Variants in ZBTB1 observed in about 807,000 individuals in gnomAD.
ZBTB1 encodes the protein zinc finger and BTB domain containing 1.
A neutral mutation model predicts 51.6 loss-of-function variants in ZBTB1; 13 were observed. The ratio of observed to expected loss-of-function variants is 0.25; its 90% CI spans 0.16 to 0.40. The LOEUF (loss-of-function observed/expected upper bound fraction) is 0.40. Among genes scored for constraint, ZBTB1 ranks in the 10% least tolerant of loss-of-function variants. ZBTB1 has a pLI of 1.00. For synonymous variants in ZBTB1, 240 were observed against 282.2 expected (o/e 0.85, Z 1.50); for missense variants, 567 against 856.5 (o/e 0.66, Z 4.22).
At chr14:64,519,262 C>T (rs1439181154) in intron 1 of ZBTB1, among the ~76,000 whole-genome samples, 1 of 151,018 alleles carries the variant, frequency 6.6e-6, no homozygotes, top group African/African-American at 2.4e-5. Context: ...GATTCTCCCG[C>T]CTCAGCCTCC....
Position 64,523,665 on chromosome 14 carries a change from A to T in ZBTB1, c.*19A>T. The T allele has an allele frequency of 6.5e-7, 1 of 1,532,020 alleles. No homozygotes were observed. 94.9% of individuals were successfully genotyped at this position (1,532,020 alleles called of 1,614,324 possible). ...AACCTGAGTGATTTTCTACTGTACTAATGTTTAGATGATAGCAGATAAAAC... is the reference window on the plus strand; with the variant it reads ...AACCTGAGTGATTTTCTACTGTACTTATGTTTAGATGATAGCAGATAAAAC... On this transcript the variant is annotated 3_prime_UTR_variant, in exon 2 of 2. Coordinates refer to ENST00000683701, the MANE Select transcript of ZBTB1 (RefSeq NM_001123329.2). This position sits in a 1 kb window ranked among gnomAD's most constrained non-coding sequence, Gnocchi z 4.5.
At chr14:64,514,046 T>C (rs2079754465) in intron 1 of ZBTB1, 1 of 152,200 alleles carries the variant, frequency 6.6e-6, no homozygotes, top group African/African-American at 2.4e-5. Context: ...ACACCATCCT[T>C]CTCCACCCTC....
chr14:64,507,270 C>A (rs908205488), intron 1 of ZBTB1, among the ~76,000 whole-genome samples: 7 of 152,134 alleles, frequency 4.6e-5, no homozygotes, highest in African/African-American at 1.4e-4. Context: ...CTGACATTTT[C>A]TTCTGTGCTA....
exon 3 of ZBTB1, chr14:64,533,614 G>A (rs2079959965): frequency 6.6e-6 from 1 of 152,168 alleles, no homozygotes; most frequent in South Asian, 2.1e-4. Context: ...TGGAATTATT[G>A]GGTTAAAGTA....
chr14:64,521,514 C>G lies in ZBTB1; in HGVS notation c.10C>G (p.Pro4Ala). 1.9e-6 allele frequency: 3 copies of G among 1,602,716 alleles called. No individual in the cohort carries two copies. The highest frequency in any genetic ancestry group is 2.6e-6 in the Non-Finnish European group (3 of 1,174,750). Residue 4 changes from proline to alanine, a missense_variant, in exon 2 of 2, where the codon CCC (proline) becomes GCC (alanine). Around this residue, in one of 5 missense-constraint regions of ZBTB1, gnomAD observed 69 missense variants for 136.4 expected, o/e 0.51. Transcript: ENST00000683701. ...CTCTAATTAACAGAAGATGGCAAAG[C>G]CCAGCCACAGCAGCTATGTCCTTCA... MAK[P>A]SHSSYVLQQL...
intron 1 of ZBTB1, 56 bp downstream of exon 1, chr14:64,505,002 C>G (rs1357611509): frequency 2.6e-6 from 1 of 389,514 alleles, no homozygotes; most frequent in Non-Finnish European, 4.5e-6. Context: ...GGCCGGAGGG[C>G]GACGGGCCGC....
chr14:64,503,907 C>T (rs12879767), upstream of ZBTB1: 3 of 152,154 alleles, frequency 2.0e-5, no homozygotes, highest in East Asian at 5.9e-4. Flanking sequence ...CCGCCCGCCT[C>T]AGTGGCCGGG....
rs920840885 is a variant in ZBTB1, at chr14:64,522,293, C to A, written c.789C>A (p.Asn263Lys). The A allele has an allele frequency of 6.2e-7, 1 of 1,614,150 alleles. No homozygotes were observed. The highest frequency in any genetic ancestry group is 8.5e-7 in the Non-Finnish European group (1 of 1,180,022). ...IVDIRDGKDS[N>K]IKAEFGEKDS... ...ATATTAGAGATGGAAAAGACAGTAA[C>A]ATCAAAGCTGAATTTGGTGAAAAAG... Residue 263 changes from asparagine to lysine, a missense_variant, in exon 2 of 2, where the codon AAC (asparagine) becomes AAA (lysine). By Grantham distance (94) the Asn-to-Lys change is moderately conservative. Transcript: ENST00000683701.
chr14:64,504,904 A>G lies in ZBTB1; in HGVS notation c.-61A>G. The G allele has an allele frequency of 5.0e-6, 2 of 396,050 alleles. No individual in the cohort carries two copies. Among genetic ancestry groups the G allele is most frequent in the Non-Finnish European group, 8.9e-6 (2 of 224,110 alleles). 24.5% of individuals were successfully genotyped at this position (396,050 alleles called of 1,614,324 possible). A position where few individuals can be genotyped will look rare whatever the true frequency, so the allele number is the denominator to read the frequency against. On this transcript the variant is annotated 5_prime_UTR_variant, in exon 1 of 2. Coordinates refer to ENST00000683701, the MANE Select transcript of ZBTB1 (RefSeq NM_001123329.2). Reference sequence around the variant, plus strand: ...GCCTTTCCCGCGGCTGATTTGCCTTAAACTCCCTAAAATCTCCGCAGCTCT... The same window carrying G: ...GCCTTTCCCGCGGCTGATTTGCCTTGAACTCCCTAAAATCTCCGCAGCTCT...
In ZBTB1 at chr14:64,524,881, T is replaced by G. The variant is rs905937593; in HGVS notation, c.*1235T>G. 4 of 985,220 alleles carry G rather than the reference T, an allele frequency of 4.1e-6. No individual in the cohort carries two copies. Among genetic ancestry groups the G allele is most frequent in the Non-Finnish European group, 4.8e-6 (4 of 829,892 alleles). The allele number at this position is 985,220 out of a possible 1,614,324, so 61.0% of individuals were successfully genotyped here. ...ATTGTTAGTTGTTGCTGACACAGGGTCTACATAATTACATGTGAATTAAAA... is the reference window on the plus strand; with the variant it reads ...ATTGTTAGTTGTTGCTGACACAGGGGCTACATAATTACATGTGAATTAAAA... On this transcript the variant is annotated 3_prime_UTR_variant, in exon 2 of 2. Coordinates refer to ENST00000683701, the MANE Select transcript of ZBTB1 (RefSeq NM_001123329.2).
At chr14:64,513,159 T>C (rs778422727) in intron 1 of ZBTB1, among the ~76,000 whole-genome samples, 1 of 152,078 alleles carries the variant, frequency 6.6e-6, no homozygotes, top group Non-Finnish European at 1.5e-5. Context: ...TATGCACACA[T>C]ACACACATAC....
chr14:64,505,681 G>A (rs2079642780), intron 1 of ZBTB1, among the ~76,000 whole-genome samples: 3 of 152,308 alleles, frequency 2.0e-5, no homozygotes, highest in South Asian at 2.1e-4. Flanking sequence ...TAAGCAACGC[G>A]TGTACATGAT....
At chr14:64,531,978 T>A in exon 3 of ZBTB1, 1 of 1,521,936 alleles carries the variant, frequency 6.6e-7, no homozygotes, top group South Asian at 1.2e-5. Context: ...GAATATCAGA[T>A]CTGAAGTGGC....
chr14:64,527,557 GC>G (rs759622935), downstream of ZBTB1, among the ~76,000 whole-genome samples: 38 of 152,002 alleles, frequency 2.5e-4, no homozygotes, highest in Non-Finnish European at 4.7e-4. Context: ...GTTGCAGTGA[GC>G]CAAGATCACA....
intron 1 of ZBTB1, among the ~76,000 whole-genome samples, chr14:64,515,886 C>T (rs1213236543): frequency 1.3e-5 from 2 of 152,270 alleles, no homozygotes; most frequent in Non-Finnish European, 2.9e-5. Context: ...ATTTAGATCC[C>T]TCCTCCCCTG....
At chr14:64,504,324 C>T (rs370562583), upstream of ZBTB1, among the ~76,000 whole-genome samples, 60 of 151,872 alleles carry the variant, frequency 4.0e-4, 2 homozygotes, top group South Asian at 0.012. Context: ...CCGGAGCACT[C>T]GAGGCGGACC....
chr14:64,519,514 A>T (rs2079836734), intron 1 of ZBTB1, among the ~76,000 whole-genome samples: 1 of 151,088 alleles, frequency 6.6e-6, no homozygotes, highest in Non-Finnish European at 1.5e-5. Context: ...CCACAATCCC[A>T]GCACTTTGGA....
In ZBTB1 at chr14:64,522,590, A is replaced by G; in HGVS notation, c.1086A>G (p.Glu362=). ...CNESTDNDEL[E]DEPEEPFYRY... is the part of the protein sequence containing the mutation. ...AATCCACTGACAATGATGAATTAGA[A>G]GATGAACCTGAAGAGCCATTTTATA... Residue 362 remains glutamate (E), a synonymous_variant, in exon 2 of 2, where the codon GAA becomes GAG. Transcript: ENST00000683701. 2 of 1,613,934 alleles carry G rather than the reference A, an allele frequency of 1.2e-6. No individual in the cohort carries two copies. The highest frequency in any genetic ancestry group is 1.3e-5 in the African/African-American group (1 of 74,988).
chr14:64,523,722 T>A lies in ZBTB1; in HGVS notation c.*76T>A. The stretch of plus-strand genomic sequence containing the variant: ...GCAAAGGATATGAGCTATTTAGGAA[T>A]TGATTATATAAGATGATTTGTTAGA... On this transcript the variant is annotated 3_prime_UTR_variant, in exon 2 of 2. Coordinates refer to ENST00000683701, the MANE Select transcript of ZBTB1 (RefSeq NM_001123329.2). This position sits in a 1 kb window ranked among gnomAD's most constrained non-coding sequence, Gnocchi z 4.5. The A allele has an allele frequency of 7.0e-7, 1 of 1,437,946 alleles. No individual in the cohort carries two copies. The highest frequency in any genetic ancestry group is 1.6e-5 in the South Asian group (1 of 62,560). 89.1% of individuals were successfully genotyped at this position (1,437,946 alleles called of 1,614,324 possible). A position where few individuals can be genotyped will look rare whatever the true frequency, so the allele number is the denominator to read the frequency against.
Sources: allele counts gnomAD v4.1 joint callset (sites outside exome capture counted in the v4.1 genomes callset), GRCh38; gene constraint gnomAD v4.1.1; regional missense constraint gnomAD v4.1.1; non-coding constraint Gnocchi (gnomAD v3.1); transcripts MANE v1.5; gene names NCBI Gene and HGNC (gene_info 2026-07-23, HGNC 2026-07-21).